Variants in TEX36 observed in about 807,000 individuals in gnomAD.
TEX36 encodes the protein testis expressed 36.
Under a neutral mutation model 13.6 loss-of-function variants are expected in TEX36, and 12 were observed. The ratio of observed to expected loss-of-function variants is 0.88; its 90% CI spans 0.56 to 1.43. The LOEUF (loss-of-function observed/expected upper bound fraction) is 1.43. Ranked by LOEUF, TEX36 falls within the 40% of genes most tolerant of loss-of-function variation. The probability of loss-of-function intolerance (pLI) is 0.00; values close to 1 mark genes in which losing one functional copy is unlikely to be tolerated. For synonymous variants in TEX36, 93 were observed against 83.0 expected (o/e 1.12, Z -0.65); for missense variants, 224 against 228.3 (o/e 0.98, Z 0.12).
At chr10:125,671,192 G>T (rs956998257) in intron 1 of TEX36, among the ~76,000 whole-genome samples, 1 of 152,146 alleles carries the variant, frequency 6.6e-6, no homozygotes, top group Admixed American at 6.5e-5. Flanking sequence ...GGTGAGAGGG[G>T]TCATCCTTGT....
At chr10:125,612,383 C>T (rs1846301979) in intron 3 of TEX36, among the ~76,000 whole-genome samples, 1 of 152,168 alleles carries the variant, frequency 6.6e-6, no homozygotes, top group Non-Finnish European at 1.5e-5. Context: ...CGAACCCCAG[C>T]ACCCATCAAA....
chr10:125,598,924 T>G (rs1319443468), intron 3 of TEX36, among the ~76,000 whole-genome samples: 1 of 152,152 alleles, frequency 6.6e-6, no homozygotes, highest in Non-Finnish European at 1.5e-5. Context: ...CACTAACAAA[T>G]CAGCTAAATG....
chr10:125,666,217 A>T (rs1847119530), intron 1 of TEX36, among the ~76,000 whole-genome samples: 1 of 152,180 alleles, frequency 6.6e-6, no homozygotes, highest in Non-Finnish European at 1.5e-5. Context: ...TGCTCTGGCT[A>T]GGACTTCTAG....
At chr10:125,666,088 T>G (rs1005655070) in intron 1 of TEX36, among the ~76,000 whole-genome samples, 5 of 151,800 alleles carry the variant, frequency 3.3e-5, no homozygotes, top group African/African-American at 7.3e-5. Context: ...CTAAGTGGGG[T>G]TTTTTTTGGT....
rs1416453983 is a variant in TEX36 at position 125,578,542 on chromosome 10, T to C, written c.265-1668A>G. Reference sequence around the variant, plus strand: ...TTCAATGACTCAGAAAAGAGTTCATTTGGCTATGGGCTTACCCAGCTTTAA... The same window carrying C: ...TTCAATGACTCAGAAAAGAGTTCATCTGGCTATGGGCTTACCCAGCTTTAA... On this transcript the variant is annotated intron_variant, in intron 3 of 3. Transcript: ENST00000532135. 2.0e-5 allele frequency: 3 copies of C among 152,324 alleles called. No homozygotes were observed. The East Asian group carries it at 5.8e-4, about 29-fold the overall frequency. The allele number at this position is 152,324 out of a possible 1,614,324, so 9.4% of individuals were successfully genotyped here. A position where few individuals can be genotyped will look rare whatever the true frequency, so the allele number is the denominator to read the frequency against.
intron 3 of TEX36, among the ~76,000 whole-genome samples, chr10:125,625,228 C>T (rs1246828662): frequency 6.6e-6 from 1 of 152,194 alleles, no homozygotes; most frequent in Non-Finnish European, 1.5e-5. Context: ...CTTATTCAGC[C>T]CTGGGTCTAA....
intron 3 of TEX36, among the ~76,000 whole-genome samples, chr10:125,634,799 A>C (rs1055922642): frequency 6.6e-6 from 1 of 152,206 alleles, no homozygotes; most frequent in Non-Finnish European, 1.5e-5. Context: ...GCAATACGTC[A>C]TCATTGAGGG....
intron 3 of TEX36, among the ~76,000 whole-genome samples, chr10:125,608,261 ATGTC>A (rs1846239264): frequency 7.9e-6 from 1 of 126,620 alleles, no homozygotes; most frequent in Non-Finnish European, 1.5e-5. Context: ...GGTGGTGGAA[ATGTC>A]CTATAGATTG....
intron 3 of TEX36, among the ~76,000 whole-genome samples, chr10:125,612,284 G>A (rs1470862667): frequency 2.9e-5 from 4 of 139,414 alleles, no homozygotes; most frequent in East Asian, 2.5e-4. Flanking sequence ...GGATTTCACC[G>A]TATTGGTCAG....
chr10:125,628,780 G>A (rs1238364681), intron 3 of TEX36, among the ~76,000 whole-genome samples: 2 of 152,188 alleles, frequency 1.3e-5, no homozygotes, highest in Admixed American at 1.3e-4. Context: ...TAACTGTCTA[G>A]GGAGTGCCTG....
At chr10:125,597,214 C>T (rs1484757898) in intron 3 of TEX36, among the ~76,000 whole-genome samples, 1 of 152,180 alleles carries the variant, frequency 6.6e-6, no homozygotes, top group Admixed American at 6.5e-5. Flanking sequence ...GCACCTGAGG[C>T]TTGGACTTCA....
chr10:125,603,920 T>C (rs1443326021), intron 3 of TEX36, among the ~76,000 whole-genome samples: 3 of 152,000 alleles, frequency 2.0e-5, no homozygotes, highest in Admixed American at 2.0e-4. Context: ...AAACTCCAAA[T>C]GTCTGGCTCT....
chr10:125,603,666 C>T (rs1846178278), intron 3 of TEX36, among the ~76,000 whole-genome samples: 2 of 152,212 alleles, frequency 1.3e-5, no homozygotes, highest in African/African-American at 4.8e-5. Flanking sequence ...GGGCATGCAG[C>T]CACCTGCACA....
chr10:125,669,050 T>C (rs970830189), intron 1 of TEX36, among the ~76,000 whole-genome samples: 1 of 152,074 alleles, frequency 6.6e-6, no homozygotes, highest in Non-Finnish European at 1.5e-5. Flanking sequence ...CCCAACACTT[T>C]GGGAGGCTGA....
At chr10:125,631,731 C>T (rs1453490117) in intron 3 of TEX36, among the ~76,000 whole-genome samples, 3 of 152,158 alleles carry the variant, frequency 2.0e-5, no homozygotes, top group Admixed American at 6.5e-5. Flanking sequence ...ATGGCCAAGG[C>T]CCAGCGATGT....
intron 3 of TEX36, among the ~76,000 whole-genome samples, chr10:125,584,250 A>C (rs1410550254): frequency 6.6e-6 from 1 of 152,230 alleles, no homozygotes; most frequent in Non-Finnish European, 1.5e-5. Context: ...GAGCCCAGCC[A>C]AAGCTGCTGA....
At chr10:125,617,904 C>G (rs1200857778), downstream of TEX36, among the ~76,000 whole-genome samples, 3 of 152,168 alleles carry the variant, frequency 2.0e-5, no homozygotes, top group African/African-American at 7.2e-5. Flanking sequence ...TTCCATTCTC[C>G]CTGTCACTTT....
intron 3 of TEX36, among the ~76,000 whole-genome samples, chr10:125,626,682 A>C (rs1846494329): frequency 6.6e-6 from 1 of 152,182 alleles, no homozygotes; most frequent in Non-Finnish European, 1.5e-5. Flanking sequence ...GAAGGAGGGC[A>C]ATCAGGGAGG....
At chr10:125,597,148 A>G (rs1846089960) in intron 3 of TEX36, among the ~76,000 whole-genome samples, 1 of 152,194 alleles carries the variant, frequency 6.6e-6, no homozygotes, top group South Asian at 2.1e-4. Flanking sequence ...CAAAGTGCTT[A>G]CACTACCCAA....
Sources: gnomAD v4.1 joint callset for allele counts (sites outside exome capture counted in the v4.1 genomes callset) on GRCh38, gnomAD v4.1.1 for gene constraint, MANE v1.5 for transcripts, NCBI Gene and HGNC (gene_info 2026-07-23, HGNC 2026-07-21) for gene names.